EGFL7: variants seen among roughly 807,000 people sequenced by gnomAD.
The protein encoded by EGFL7 is epidermal growth factor-like protein 7.
A neutral mutation model predicts 37.1 loss-of-function variants in EGFL7; 48 were observed. The ratio of observed to expected loss-of-function variants is 1.29; its 90% confidence interval spans 1.03 to 1.65. EGFL7 has a LOEUF of 1.65. Among genes scored for constraint, EGFL7 ranks in the 40% most tolerant of loss-of-function variants. The pLI is 0.00. For missense variants in EGFL7, 384 were observed against 378.9 expected (o/e 1.01, Z -0.11); for synonymous variants, 180 against 156.8 (o/e 1.15, Z -1.10).
intron 2 of EGFL7, among the ~76,000 whole-genome samples, chr9:136,663,921 C>A (rs1168008152): frequency 6.6e-6 from 1 of 152,214 alleles, no homozygotes; most frequent in Non-Finnish European, 1.5e-5. Context: ...TGGAGCTGCC[C>A]TTTCTGCTCC....
chr9:136,661,613 G>A (rs1429041775), upstream of EGFL7, among the ~76,000 whole-genome samples: 1 of 152,208 alleles, frequency 6.6e-6, no homozygotes, highest in Admixed American at 6.5e-5. Flanking sequence ...GGTCCTGCCT[G>A]GCTGAGGCCC....
At position 136,672,078 on chromosome 9, in the gene EGFL7, G is replaced by C; in HGVS notation, c.789G>C (p.Gln263His). ...LSEQISFLEEQLGSCSCKKDS is the reference protein window; with the variant it reads ...LSEQISFLEEHLGSCSCKKDS Reference sequence around the variant, plus strand: ...AGCAGATTTCCTTCCTGGAGGAGCAGCTGGGGTCCTGTGAGTGCCCCCACC... The same window carrying C: ...AGCAGATTTCCTTCCTGGAGGAGCACCTGGGGTCCTGTGAGTGCCCCCACC... The change falls in exon 10 of 11, where the codon CAG becomes CAC. Residue 263 changes from glutamine to histidine, a missense_variant. Gln to His is a conservative substitution (Grantham distance 24). Coordinates refer to ENST00000308874, the MANE Select transcript of EGFL7 (RefSeq NM_016215.5). 6.5e-7 allele frequency: 1 copy of C among 1,546,508 alleles called. No homozygotes were observed. The highest frequency in any genetic ancestry group is 8.7e-7 in the Non-Finnish European group (1 of 1,146,596).
intron 3 of EGFL7, among the ~76,000 whole-genome samples, chr9:136,665,036 G>A (rs1454563209): frequency 6.6e-6 from 1 of 152,240 alleles, no homozygotes; most frequent in Non-Finnish European, 1.5e-5. Flanking sequence ...GAGAAGAGAG[G>A]TGACCAGCCC....
intron 6 of EGFL7, 42 bp downstream of exon 6, chr9:136,669,763 C>T: frequency 6.7e-7 from 1 of 1,498,652 alleles, no homozygotes; most frequent in East Asian, 2.4e-5. Context: ...AGGAGGGCGA[C>T]TGTTCCCCAA....
Position 136,668,225 on chromosome 9 carries a change from A to G in EGFL7, c.-42-16A>G, listed in dbSNP as rs1164427935. The G allele has an allele frequency of 1.3e-6, 2 of 1,489,020 alleles. No individual in the cohort carries two copies. Among genetic ancestry groups the G allele is most frequent in the Admixed American group, 2.0e-5 (1 of 50,088 alleles). The allele number at this position is 1,489,020 out of a possible 1,614,324, so 92.2% of individuals were successfully genotyped here. A position where few individuals can be genotyped will look rare whatever the true frequency, so the allele number is the denominator to read the frequency against. The stretch of plus-strand genomic sequence containing the variant: ...GCATCTGCGGGGAGACTTAGGGGTC[A>G]TGCTTTGTGCCCCAGGCCACCCAGA... On this transcript the variant is annotated splice_polypyrimidine_tract_variant and intron_variant, in intron 3 of 10. Coordinates refer to ENST00000308874, the MANE Select transcript of EGFL7 (RefSeq NM_016215.5).
In EGFL7 at chr9:136,668,456, C is replaced by T. The variant is rs527911567; in HGVS notation, c.80+94C>T. 1,709 of 1,514,664 alleles carry T rather than the reference C, an allele frequency of 1.1e-3. 3 individuals carry two copies. The highest frequency in any genetic ancestry group is 1.4e-3 in the Non-Finnish European group (1,558 of 1,112,528). The allele number at this position is 1,514,664 out of a possible 1,614,324, so 93.8% of individuals were successfully genotyped here. ...GGCCCTCAGCACCTGTCGGGGACTC[C>T]CTGGGGGCTCCTGCTGAGGGTCCTG... On this transcript the variant is annotated intron_variant, in intron 4 of 10. Transcript: ENST00000308874.
At chr9:136,670,497 TG>T in intron 8 of EGFL7, 167 bp downstream of exon 8, 1 of 938,472 alleles carries the variant, frequency 1.1e-6, no homozygotes, top group Non-Finnish European at 1.7e-6. Flanking sequence ...TCCCGAGAAC[TG>T]GGGGCAGGTT....
chr9:136,668,136 C>T, intron 3 of EGFL7, 105 bp from the exon 4 acceptor site: 2 of 648,976 alleles, frequency 3.1e-6, no homozygotes, highest in East Asian at 2.9e-5. Context: ...CCGGTGGAGG[C>T]TCCAGCGGAG....
rs989898761 is a variant in EGFL7 at position 136,666,065 on chromosome 9, CGGCG to C, written c.-43+1294_-43+1297del. ...CCCGGGAACCGGCTCCCCCTGCCGGCGGCGGGCGGGCGGGCGGCGCGGCGGGGAG... is the reference window on the plus strand; with the variant it reads ...CCCGGGAACCGGCTCCCCCTGCCGGCGGCGGGCGGGCGGCGCGGCGGGGAG... On this transcript the variant is annotated intron_variant, in intron 3 of 10. Transcript: ENST00000308874. The surrounding 1 kb of genome is among the most constrained non-coding windows in gnomAD (Gnocchi z 6.8). Among the ~76,000 whole-genome samples the C allele has an allele frequency of 2.1e-3, 298 of 141,734 alleles. No homozygotes were observed. Among genetic ancestry groups the C allele is most frequent in the Middle Eastern group, 3.7e-3 (1 of 268 alleles). 93.0% of individuals were successfully genotyped at this position (141,734 alleles called of 152,430 possible).
chr9:136,665,729 C>T (rs1468884411), intron 3 of EGFL7: 1 of 114,542 alleles, frequency 8.7e-6, no homozygotes, highest in African/African-American at 3.3e-5. Flanking sequence ...TGGGGCGGGG[C>T]CGGGGGCGGG....
At chr9:136,668,169 A>G in intron 3 of EGFL7, 72 bp from the exon 4 acceptor site, 1 of 864,074 alleles carries the variant, frequency 1.2e-6, no homozygotes, top group East Asian at 2.8e-5. Context: ...GGCCTCGCGG[A>G]GCAAGTGCAA....
Position 136,668,167 on chromosome 9 carries a change from G to A in EGFL7, c.-42-74G>A, listed in dbSNP as rs187229244. ...CGGAGATGAGCTGGGCAGGCCTCGCGGAGCAAGTGCAAACTGCACCCGCGT... is the reference window on the plus strand; with the variant it reads ...CGGAGATGAGCTGGGCAGGCCTCGCAGAGCAAGTGCAAACTGCACCCGCGT... On this transcript the variant is annotated intron_variant, in intron 3 of 10. Transcript: ENST00000308874. 685 of 848,894 alleles carry A rather than the reference G, an allele frequency of 8.1e-4. 4 individuals are homozygous for A. The African/African-American group carries it at 0.01, about 13-fold the overall frequency. 52.6% of individuals were successfully genotyped at this position (848,894 alleles called of 1,614,324 possible). A position where few individuals can be genotyped will look rare whatever the true frequency, so the allele number is the denominator to read the frequency against.
Position 136,668,503 on chromosome 9 carries a change from A to G in EGFL7, c.81-54A>G, listed in dbSNP as rs564631403. On this transcript the variant is annotated intron_variant, in intron 4 of 10. Coordinates refer to ENST00000308874, the MANE Select transcript of EGFL7 (RefSeq NM_016215.5). The stretch of plus-strand genomic sequence containing the variant: ...CCTGCCCCGGCCACATGTTCCCATC[A>G]TTCTTGGGTCCTGCTCTGGGACTCC... 3.2e-5 allele frequency: 50 copies of G among 1,576,262 alleles called. No individual in the cohort carries two copies. The African/African-American group carries it at 6.2e-4, about 19-fold the overall frequency.
upstream of EGFL7, among the ~76,000 whole-genome samples, chr9:136,661,016 G>A (rs1247642899): frequency 3.9e-5 from 6 of 152,150 alleles, no homozygotes; most frequent in Non-Finnish European, 7.4e-5. Flanking sequence ...GGGGCAGGCC[G>A]CAGGGATGCA....
At chr9:136,671,479 C>G (rs538136644) in intron 9 of EGFL7, among the ~76,000 whole-genome samples, 3 of 152,016 alleles carry the variant, frequency 2.0e-5, no homozygotes, top group African/African-American at 7.3e-5. Context: ...TGCTGACTGC[C>G]GAGGGGGCCC....
chr9:136,669,366 G>T (rs1405635956), intron 5 of EGFL7, among the ~76,000 whole-genome samples: 1 of 152,250 alleles, frequency 6.6e-6, no homozygotes, highest in African/African-American at 2.4e-5. Context: ...CCTGGCCACT[G>T]CCTCTGCTCC....
intron 8 of EGFL7, 56 bp downstream of exon 8, chr9:136,670,386 C>A: frequency 6.7e-7 from 1 of 1,492,752 alleles, no homozygotes; most frequent in Non-Finnish European, 9.0e-7. Flanking sequence ...TGGACATTGC[C>A]GTGTGGCTGT....
chr9:136,659,877 T>G (rs1845030097), upstream of EGFL7, among the ~76,000 whole-genome samples: 1 of 152,110 alleles, frequency 6.6e-6, no homozygotes, highest in South Asian at 2.1e-4. Flanking sequence ...GCGCAGGCCT[T>G]GGGGTGGCCA....
At position 136,670,248 on chromosome 9, in the gene EGFL7, T is replaced by A; in HGVS notation, c.489T>A (p.Cys163Ter). 2 of 1,612,444 alleles carry A rather than the reference T, an allele frequency of 1.2e-6. No homozygotes were observed. The highest frequency in any genetic ancestry group is 2.2e-5 in the East Asian group (1 of 44,868). ...VNTAGSYWCQ[C>*]WEGHSLSADG... Reference sequence around the variant, plus strand: ...CCGCCGGCAGTTACTGGTGCCAGTGTTGGGAGGGGCACAGCCTGTCTGCAG... The same window carrying A: ...CCGCCGGCAGTTACTGGTGCCAGTGATGGGAGGGGCACAGCCTGTCTGCAG... Residue 163 changes from cysteine to a stop codon, truncating the protein, a stop_gained, in exon 8 of 11, where the codon TGT (cysteine) becomes TGA (stop). Transcript: ENST00000308874. LOFTEE classifies it high-confidence loss of function.
Sources: allele counts gnomAD v4.1 joint callset (sites outside exome capture counted in the v4.1 genomes callset), GRCh38; gene constraint gnomAD v4.1.1; non-coding constraint Gnocchi (gnomAD v3.1); transcripts MANE v1.5; gene names NCBI Gene and HGNC (gene_info 2026-07-23, HGNC 2026-07-21).